The following ATF2 variants were observed in gnomAD, a reference collection of about 807,000 sequenced individuals.
ATF2 encodes the protein activating transcription factor 2, also known as cyclic AMP-dependent transcription factor ATF-2.
In ATF2, 24 loss-of-function variants were observed where a neutral mutation model predicts 60.6. The observed-to-expected ratio is 0.40, with a 90% CI of 0.29 to 0.56. ATF2 has a LOEUF of 0.56. Ranked by LOEUF, ATF2 falls within the 20% of genes least tolerant of loss-of-function variation. ATF2 has a pLI of 0.54. For synonymous variants in ATF2, 206 were observed against 215.4 expected (o/e 0.96, Z 0.38); for missense variants, 433 against 607.7 (o/e 0.71, Z 3.02).
At chr2:175,112,620 T>C (rs965446369) in intron 9 of ATF2, among the ~76,000 whole-genome samples, 1 of 152,244 alleles carries the variant, frequency 6.6e-6, no homozygotes, top group Non-Finnish European at 1.5e-5. Context: ...GGTCTTACTT[T>C]GTTGCCCAGC....
At chr2:175,153,572 G>A (rs919377364) in intron 1 of ATF2, among the ~76,000 whole-genome samples, 5 of 152,068 alleles carry the variant, frequency 3.3e-5, no homozygotes, top group African/African-American at 4.8e-5. Flanking sequence ...CCTCACGCCC[G>A]TAATCACAGC....
At chr2:175,158,610 T>C (rs937053154) in intron 1 of ATF2, among the ~76,000 whole-genome samples, 1 of 152,104 alleles carries the variant, frequency 6.6e-6, no homozygotes, top group Non-Finnish European at 1.5e-5. Flanking sequence ...ACTGAGGTCA[T>C]CTCTACAGGA....
chr2:175,125,256 C>T (rs1697252022), intron 4 of ATF2, among the ~76,000 whole-genome samples: 1 of 152,042 alleles, frequency 6.6e-6, no homozygotes, highest in Admixed American at 6.6e-5. Context: ...AAAACCAATT[C>T]TTACTAAGTA....
intron 12 of ATF2, among the ~76,000 whole-genome samples, chr2:175,089,322 C>T (rs180746000): frequency 3.3e-5 from 5 of 152,094 alleles, no homozygotes; most frequent in Admixed American, 2.6e-4. Context: ...TTAGTGAATG[C>T]GGCAATAAGG....
intron 2 of ATF2, among the ~76,000 whole-genome samples, chr2:175,140,999 GAAAAAAAA>G (rs869208203): frequency 1.7e-3 from 45 of 26,738 alleles, no homozygotes; most frequent in African/African-American, 2.9e-3. Context: ...CCTATCTCAG[GAAAAAAAA>G]AAAAAAAAAA....
At chr2:175,145,877 C>A (rs754908174) in intron 2 of ATF2, among the ~76,000 whole-genome samples, 83 of 151,904 alleles carry the variant, frequency 5.5e-4, no homozygotes, top group Admixed American at 1.4e-3. Context: ...TTCTATGAAC[C>A]CATACTGATA....
At chr2:175,152,647 T>C (rs1355478853) in intron 1 of ATF2, among the ~76,000 whole-genome samples, 1 of 152,242 alleles carries the variant, frequency 6.6e-6, no homozygotes, top group Admixed American at 6.5e-5. Context: ...TTTGATTTCC[T>C]GACACTTTCA....
chr2:175,089,272 C>G (rs1694379583), intron 12 of ATF2, among the ~76,000 whole-genome samples: 1 of 151,928 alleles, frequency 6.6e-6, no homozygotes, highest in African/African-American at 2.4e-5. Context: ...TGAAATTGCT[C>G]TTTTAGCAAT....
rs187433105 is a variant in ATF2 at position 175,103,705 on chromosome 2, G to A, written c.829-6112C>T. Among the ~76,000 whole-genome samples the A allele has an allele frequency of 5.2e-3, 791 of 151,406 alleles. 5 individuals are homozygous for A. The highest frequency in any genetic ancestry group is 0.018 in the African/African-American group (744 of 41,266). ...AAAAAAAAAAAAAAAAGATTCTGGA[G>A]GATACTATTTAAATACTTTACTAAA... is the stretch of plus-strand genomic sequence containing the variant. On this transcript the variant is annotated intron_variant, in intron 10 of 13. Coordinates refer to ENST00000264110, the MANE Select transcript of ATF2 (RefSeq NM_001880.4).
chr2:175,088,422 A>G (rs376210210), intron 12 of ATF2, among the ~76,000 whole-genome samples: 1 of 152,284 alleles, frequency 6.6e-6, no homozygotes. Context: ...CTCATTTTCT[A>G]TAAGTCAACG....
intron 3 of ATF2, 131 bp from the exon 4 acceptor site, chr2:175,130,338 C>T (rs1697641956): frequency 2.0e-6 from 1 of 507,218 alleles, no homozygotes; most frequent in African/African-American, 2.0e-5. Flanking sequence ...ACTTTTCTGA[C>T]ATTTTAATTC....
chr2:175,125,287 A>G (rs1697253691), intron 4 of ATF2, among the ~76,000 whole-genome samples: 1 of 152,078 alleles, frequency 6.6e-6, no homozygotes, highest in Non-Finnish European at 1.5e-5. Flanking sequence ...AATATTATAT[A>G]AATCTAAAAA....
rs184476610 is a variant in ATF2, at chr2:175,074,465, A to G, written c.*144T>C. ...TTTCAGTCTGATCAACTGCTGCTAC[A>G]CCAACTTTAGAGCCAAATTTAATTT... is the stretch of plus-strand genomic sequence containing the variant. On this transcript the variant is annotated 3_prime_UTR_variant, in exon 14 of 14. Coordinates refer to ENST00000264110, the MANE Select transcript of ATF2 (RefSeq NM_001880.4). 1,817 of 1,064,896 alleles carry G rather than the reference A, an allele frequency of 1.7e-3. 5 individuals are homozygous for G. The highest frequency in any genetic ancestry group is 1.6e-3 in the Non-Finnish European group (1,181 of 761,566). 66.0% of individuals were successfully genotyped at this position (1,064,896 alleles called of 1,614,324 possible). A position where few individuals can be genotyped will look rare whatever the true frequency, so the allele number is the denominator to read the frequency against.
intron 2 of ATF2, among the ~76,000 whole-genome samples, chr2:175,145,219 G>A (rs996217456): frequency 2.6e-5 from 4 of 152,178 alleles, no homozygotes; most frequent in Middle Eastern, 3.2e-3. Flanking sequence ...ACTCTGGAGT[G>A]TGATATAGGT....
In ATF2 at chr2:175,103,069, C is replaced by A. The variant is rs116674357; in HGVS notation, c.829-5476G>T. On this transcript the variant is annotated intron_variant, in intron 10 of 13. Coordinates refer to ENST00000264110, the MANE Select transcript of ATF2 (RefSeq NM_001880.4). ...GAGGTGATCTCCTAGAAATAATTGTCATTCAAGTTCTATGTTGCACCCTTG... is the reference window on the plus strand; with the variant it reads ...GAGGTGATCTCCTAGAAATAATTGTAATTCAAGTTCTATGTTGCACCCTTG... Among the ~76,000 whole-genome samples, 1,434 of 152,298 alleles carry A rather than the reference C, an allele frequency of 9.4e-3. 8 individuals are homozygous for A. The highest frequency in any genetic ancestry group is 0.014 in the Non-Finnish European group (958 of 68,014).
chr2:175,157,057 A>G (rs1346902046), intron 1 of ATF2, among the ~76,000 whole-genome samples: 1 of 152,234 alleles, frequency 6.6e-6, no homozygotes, highest in African/African-American at 2.4e-5. Flanking sequence ...AAGTTTCTAA[A>G]GGGCATACAA....
At chr2:175,127,839 T>C (rs1400901998) in intron 4 of ATF2, among the ~76,000 whole-genome samples, 1 of 152,162 alleles carries the variant, frequency 6.6e-6, no homozygotes, top group East Asian at 1.9e-4. Flanking sequence ...ATAACTCCTA[T>C]GTTTACCTCG....
intron 11 of ATF2, among the ~76,000 whole-genome samples, chr2:175,096,227 T>C (rs543889630): frequency 1.1e-4 from 16 of 152,302 alleles, no homozygotes; most frequent in Non-Finnish European, 2.2e-4. Context: ...AATCCTTTAC[T>C]AGAAAGAATT....
rs1045464366 is a variant in ATF2 at position 175,072,506 on chromosome 2, T to C, written c.*2103A>G. ...TTGGTAAGCTTGTTAACCGTTTACATGACTTCTTACATCTATGTAGTTTTA... is the reference window on the plus strand; with the variant it reads ...TTGGTAAGCTTGTTAACCGTTTACACGACTTCTTACATCTATGTAGTTTTA... On this transcript the variant is annotated 3_prime_UTR_variant, in exon 14 of 14. Coordinates refer to ENST00000264110, the MANE Select transcript of ATF2 (RefSeq NM_001880.4). The C allele has an allele frequency of 6.6e-6, 1 of 152,182 alleles. No individual in the cohort carries two copies. The highest frequency in any genetic ancestry group is 1.5e-5 in the Non-Finnish European group (1 of 68,006). The allele number at this position is 152,182 out of a possible 1,614,324, so 9.4% of individuals were successfully genotyped here. A position where few individuals can be genotyped will look rare whatever the true frequency, so the allele number is the denominator to read the frequency against.
Sources: allele counts gnomAD v4.1 joint callset (sites outside exome capture counted in the v4.1 genomes callset), GRCh38; gene constraint gnomAD v4.1.1; transcripts MANE v1.5; gene names NCBI Gene and HGNC (gene_info 2026-07-23, HGNC 2026-07-21).